Variants in HEPACAM2 observed in about 807,000 individuals in gnomAD.
HEPACAM2 encodes the protein mitotic kinetics regulator.
A neutral mutation model predicts 49.6 loss-of-function variants in HEPACAM2; 49 were observed. The ratio of observed to expected loss-of-function variants is 0.99; its 90% CI spans 0.78 to 1.25. The LOEUF (loss-of-function observed/expected upper bound fraction) is 1.25. Among genes scored for constraint, HEPACAM2 ranks in the 50% most tolerant of loss-of-function variants. HEPACAM2 has a pLI of 0.00. For missense variants in HEPACAM2, 525 were observed against 557.2 expected (o/e 0.94, Z 0.58); for synonymous variants, 197 against 202.9 (o/e 0.97, Z 0.25).
chr7:93,189,221 G>C lies in HEPACAM2; in HGVS notation c.*46C>G, dbSNP rs1793476477. On this transcript the variant is annotated 3_prime_UTR_variant, in exon 10 of 10. Transcript: ENST00000394468. ...CTTTTCCACTGTTTTTCCTTAAAAT[G>C]TTTCTTCAGAATTTCACTCGAATGT... The C allele has an allele frequency of 1.9e-6, 3 of 1,544,656 alleles. No individual in the cohort carries two copies. The highest frequency in any genetic ancestry group is 1.1e-5 in the South Asian group (1 of 87,896).
chr7:93,192,932 A>G (rs553508089), intron 8 of HEPACAM2, among the ~76,000 whole-genome samples: 1 of 152,242 alleles, frequency 6.6e-6, no homozygotes, highest in East Asian at 1.9e-4. Flanking sequence ...TGGAAAGGAT[A>G]GTGTATTTAT....
At chr7:93,209,687 C>T (rs1794129379) in intron 3 of HEPACAM2, among the ~76,000 whole-genome samples, 1 of 151,854 alleles carries the variant, frequency 6.6e-6, no homozygotes, top group Non-Finnish European at 1.5e-5. Context: ...ATTAATATTT[C>T]TGAAATAGTC....
intron 1 of HEPACAM2, among the ~76,000 whole-genome samples, chr7:93,223,720 A>G (rs1254706976): frequency 6.6e-6 from 1 of 152,186 alleles, no homozygotes. Context: ...GAGATTGCCT[A>G]TACAATTTTT....
At chr7:93,221,487 T>C (rs1794450339) in intron 1 of HEPACAM2, among the ~76,000 whole-genome samples, 2 of 152,208 alleles carry the variant, frequency 1.3e-5, no homozygotes, top group Admixed American at 6.5e-5. Context: ...GGCCTGTTCC[T>C]ATGAGGAATC....
At chr7:93,230,112 G>A (rs143239676), upstream of HEPACAM2, among the ~76,000 whole-genome samples, 1,006 of 152,104 alleles carry the variant, frequency 6.6e-3, 13 homozygotes, top group African/African-American at 0.023. Context: ...ACTTTCTTGC[G>A]TTTTCAGTGT....
intron 8 of HEPACAM2, among the ~76,000 whole-genome samples, chr7:93,192,574 A>G (rs1448902914): frequency 6.6e-6 from 1 of 152,122 alleles, no homozygotes; most frequent in Non-Finnish European, 1.5e-5. Context: ...GGTCAGAAGA[A>G]GGATAGCTTG....
In HEPACAM2 at chr7:93,195,838, C is replaced by A. The variant is rs1484869536; in HGVS notation, c.1265G>T (p.Gly422Val). The A allele has an allele frequency of 1.2e-6, 2 of 1,612,730 alleles. No individual in the cohort carries two copies. Among genetic ancestry groups the A allele is most frequent in the Non-Finnish European group, 1.7e-6 (2 of 1,179,188 alleles). ...ACTAGGAAAACCAACCCTGGAAACA[C>A]CAGAAACATCTGGAAAAGCAACAAA... ...YEFVAFPDVS[G>V]VSRIPSRSVP... The change falls in exon 8 of 10, where the codon GGT becomes GTT. Residue 422 changes from glycine (G) to valine (V), a missense_variant. Coordinates refer to ENST00000394468, the MANE Select transcript of HEPACAM2 (RefSeq NM_001039372.4).
At position 93,188,778 on chromosome 7, in the gene HEPACAM2, T is replaced by C. The variant is rs1184499446; in HGVS notation, c.*489A>G. On this transcript the variant is annotated 3_prime_UTR_variant, in exon 10 of 10. Transcript: ENST00000394468. ...TTACTTTGTTGTACAAATAACAAGA[T>C]AGAAATTTGGAAATAAAATTGAAAC... 2.7e-5 allele frequency: 10 copies of C among 372,288 alleles called. No homozygotes were observed. Among genetic ancestry groups the C allele is most frequent in the Admixed American group, 4.5e-5 (1 of 22,066 alleles). 23.1% of individuals were successfully genotyped at this position (372,288 alleles called of 1,614,324 possible). A position where few individuals can be genotyped will look rare whatever the true frequency, so the allele number is the denominator to read the frequency against.
chr7:93,226,351 T>A lies in HEPACAM2; in HGVS notation c.79+17A>T. On this transcript the variant is annotated intron_variant, in intron 1 of 9. Transcript: ENST00000394468. ...AACCTAACAAACAGCTAAAACACAA[T>A]TCACACAGGGCCTTACCGAAGAGAA... 6 of 1,579,456 alleles carry A rather than the reference T, an allele frequency of 3.8e-6. No homozygotes were observed. Among genetic ancestry groups the A allele is most frequent in the Non-Finnish European group, 5.2e-6 (6 of 1,152,298 alleles).
At chr7:93,208,544 T>A (rs751283040) in intron 4 of HEPACAM2, 36 bp downstream of exon 4, 1 of 1,579,644 alleles carries the variant, frequency 6.3e-7, no homozygotes, top group East Asian at 2.3e-5. Context: ...TGCATTCATG[T>A]TTTATTAGGA....
intron 1 of HEPACAM2, among the ~76,000 whole-genome samples, chr7:93,221,467 C>CA (rs1164817759): frequency 2.0e-5 from 3 of 152,130 alleles, no homozygotes; most frequent in Non-Finnish European, 2.9e-5. Flanking sequence ...TGGAAAAACT[C>CA]AAAGATGTAG....
At chr7:93,195,801 G>T (rs376723300) in intron 8 of HEPACAM2, 27 bp downstream of exon 8, 6 of 1,560,112 alleles carry the variant, frequency 3.8e-6, no homozygotes, top group Non-Finnish European at 4.4e-6. Flanking sequence ...TCTACTTCTC[G>T]GTTAATCAGC....
At chr7:93,190,401 A>G (rs931815817) in intron 9 of HEPACAM2, among the ~76,000 whole-genome samples, 10 of 151,958 alleles carry the variant, frequency 6.6e-5, no homozygotes, top group Non-Finnish European at 1.5e-5. Context: ...AAAATGAGGG[A>G]TTCAAAGGAT....
intron 3 of HEPACAM2, among the ~76,000 whole-genome samples, chr7:93,213,499 T>G (rs1246829036): frequency 6.6e-6 from 1 of 152,112 alleles, no homozygotes. Flanking sequence ...AGCACTATAA[T>G]GAAGAAGCTG....
chr7:93,198,536 G>A (rs1235994536), intron 4 of HEPACAM2, among the ~76,000 whole-genome samples: 2 of 152,102 alleles, frequency 1.3e-5, no homozygotes, highest in Admixed American at 6.6e-5. Flanking sequence ...GTTATAATAT[G>A]TTTAGTTATA....
At chr7:93,230,323 C>T (rs545209786), upstream of HEPACAM2, among the ~76,000 whole-genome samples, 35 of 152,170 alleles carry the variant, frequency 2.3e-4, no homozygotes, top group Non-Finnish European at 3.4e-4. Flanking sequence ...TATACAGATA[C>T]GTTTTCTCAT....
At chr7:93,218,825 C>CT (rs1277049645) in intron 2 of HEPACAM2, among the ~76,000 whole-genome samples, 2 of 152,130 alleles carry the variant, frequency 1.3e-5, no homozygotes, top group African/African-American at 2.4e-5. Context: ...CAACATTATA[C>CT]TTGATAGTTC....
intron 2 of HEPACAM2, 21 bp downstream of exon 2, chr7:93,219,080 G>A (rs752006915): frequency 5.6e-6 from 9 of 1,602,906 alleles, no homozygotes; most frequent in African/African-American, 2.7e-5. Flanking sequence ...TGCTGCCCTC[G>A]TACACTCACA....
rs560231896 is a variant in HEPACAM2 at position 93,205,437 on chromosome 7, C to T, written c.1012+3143G>A. On this transcript the variant is annotated intron_variant, in intron 4 of 9. Transcript: ENST00000394468. ...TGGCTCTGTTTTCCTTTGGCTTCCA[C>T]GTTTTATTGCTAAAACTTTTTGGTC... The T allele has an allele frequency of 4.6e-5, 7 of 152,242 alleles. No homozygotes were observed. In the East Asian group the frequency reaches 7.7e-4, roughly 17 times the overall value. 9.4% of individuals were successfully genotyped at this position (152,242 alleles called of 1,614,324 possible).
Sources: allele counts gnomAD v4.1 joint callset (sites outside exome capture counted in the v4.1 genomes callset), GRCh38; gene constraint gnomAD v4.1.1; transcripts MANE v1.5; gene names NCBI Gene and HGNC (gene_info 2026-07-23, HGNC 2026-07-21).